DGKK: variants seen among roughly 807,000 people sequenced by gnomAD.
DGKK encodes the protein 142 kDa diacylglycerol kinase.
DGKK carries 35 observed loss-of-function variants against 92.2 expected under a neutral mutation model. The observed-to-expected ratio is 0.38, with a 90% CI of 0.29 to 0.50. The LOEUF is 0.50. Among genes scored for constraint, DGKK ranks in the 20% least tolerant of loss-of-function variants. DGKK has a pLI of 0.92. For missense variants in DGKK, 910 were observed against 992.2 expected (o/e 0.92, Z 1.11); for synonymous variants, 368 against 360.6 (o/e 1.02, Z -0.23).
chrX:50,430,917 C>A (rs1557230212), intron 1 of DGKK, among the ~76,000 whole-genome samples: 1 of 111,660 alleles, frequency 9.0e-6, no homozygotes, highest in Admixed American at 9.5e-5. Flanking sequence ...ATAATTAACA[C>A]CCCCCTGCTG....
intron 1 of DGKK, among the ~76,000 whole-genome samples, chrX:50,466,017 C>CTTTTTTTTTTT (rs72090197): frequency 3.8e-3 from 163 of 42,758 alleles, no homozygotes; most frequent in Non-Finnish European, 4.1e-3. Context: ...TTTCTTTTTT[C>CTTTTTTTTTTT]TTTTTTTTTT....
chrX:50,469,886 G>A, intron 1 of DGKK, 148 bp downstream of exon 1: 1 of 749,332 alleles, frequency 1.3e-6, no homozygotes, highest in Non-Finnish European at 1.7e-6. Context: ...CCATTCCCCC[G>A]GGTTCCCCAT....
chrX:50,390,481 G>A (rs1456763093), intron 11 of DGKK, 72 bp from the exon 12 acceptor site: 1 of 963,741 alleles, frequency 1.0e-6, no homozygotes, highest in African/African-American at 1.9e-5. Flanking sequence ...CTTCAAAGGT[G>A]AAGACAGAAG....
chrX:50,438,098 A>G (rs1448845039), intron 1 of DGKK, among the ~76,000 whole-genome samples: 1 of 110,757 alleles, frequency 9.0e-6, no homozygotes, highest in Non-Finnish European at 1.9e-5. Context: ...TAAACAATAA[A>G]GCTTAATAAA....
chrX:50,426,765 A>G (rs1255496156), intron 1 of DGKK, among the ~76,000 whole-genome samples: 1 of 112,348 alleles, frequency 8.9e-6, no homozygotes, highest in Non-Finnish European at 1.9e-5. Context: ...ATAACTTTTA[A>G]AAATTATTAA....
chrX:50,405,491 A>G (rs1453526896), intron 4 of DGKK, among the ~76,000 whole-genome samples: 2 of 109,813 alleles, frequency 1.8e-5, no homozygotes, highest in Non-Finnish European at 3.8e-5. Context: ...TTTAAAAAGA[A>G]CTATATTTTC....
Position 50,457,079 on chromosome X carries a change from A to C in DGKK, c.645+12955T>G, listed in dbSNP as rs151335787. ...TGACTTCCAATCTAAGAAGAGTCCA[A>C]ACTCTTCAACTTCTTGCTACAAGTT... On this transcript the variant is annotated intron_variant, in intron 1 of 27. Coordinates refer to ENST00000611977, the MANE Select transcript of DGKK (RefSeq NM_001013742.4). 3.4e-3 allele frequency among the ~76,000 whole-genome samples: 376 copies of C among 112,011 alleles called. 3 individuals carry two copies. Among genetic ancestry groups the C allele is most frequent in the African/African-American group, 0.012 (358 of 30,858 alleles).
At chrX:50,467,975 G>A (rs1408485908) in intron 1 of DGKK, among the ~76,000 whole-genome samples, 1 of 112,041 alleles carries the variant, frequency 8.9e-6, no homozygotes, top group Non-Finnish European at 1.9e-5. Context: ...CTACAGATAA[G>A]TGATTCAACA....
intron 1 of DGKK, among the ~76,000 whole-genome samples, chrX:50,445,402 T>C (rs12006834): frequency 0.022 from 2,465 of 111,132 alleles, 61 homozygotes; most frequent in African/African-American, 0.075. Context: ...TCCAGGGATT[T>C]TATAGTTTTG....
intron 10 of DGKK, among the ~76,000 whole-genome samples, chrX:50,391,939 G>A (rs1275242339): frequency 8.9e-6 from 1 of 112,247 alleles, no homozygotes; most frequent in Non-Finnish European, 1.9e-5. Context: ...AGAGCAAGGC[G>A]GCTGCCTAAG....
intron 1 of DGKK, among the ~76,000 whole-genome samples, chrX:50,455,157 C>T (rs1179559618): frequency 4.5e-5 from 5 of 112,111 alleles, no homozygotes; most frequent in African/African-American, 1.6e-4. Context: ...CTGTCTGCAG[C>T]TGTTTTAAGG....
chrX:50,423,814 C>T lies in DGKK; in HGVS notation c.756+434G>A, dbSNP rs180931122. Among the ~76,000 whole-genome samples the T allele has an allele frequency of 2.1e-4, 24 of 111,782 alleles. No individual in the cohort carries two copies. In the East Asian group the frequency reaches 4.5e-3, roughly 21 times the overall value. Reference sequence around the variant, plus strand: ...GTGCAGATAAATAGTGAAATTCATGCTAATTATTTAAAATCGTATTTTTCT... The same window carrying T: ...GTGCAGATAAATAGTGAAATTCATGTTAATTATTTAAAATCGTATTTTTCT... On this transcript the variant is annotated intron_variant, in intron 2 of 27. Transcript: ENST00000611977.
Position 50,367,554 on chromosome X carries a change from C to G in DGKK, c.*1386G>C, listed in dbSNP as rs1557222598. On this transcript the variant is annotated 3_prime_UTR_variant, in exon 28 of 28. Coordinates refer to ENST00000611977, the MANE Select transcript of DGKK (RefSeq NM_001013742.4). ...GGCAAGATGGGAGATTTGAAGGTGACTTGAGGACTGACCCAACAGCCTGTC... is the reference window on the plus strand; with the variant it reads ...GGCAAGATGGGAGATTTGAAGGTGAGTTGAGGACTGACCCAACAGCCTGTC... 2.7e-5 allele frequency: 3 copies of G among 111,007 alleles called. No homozygotes were observed. Among genetic ancestry groups the G allele is most frequent in the Non-Finnish European group, 5.7e-5 (3 of 52,995 alleles). The allele number at this position is 111,007 out of a possible 1,213,427, so 9.1% of individuals were successfully genotyped here.
chrX:50,400,564 G>A (rs1283384048), intron 8 of DGKK, among the ~76,000 whole-genome samples: 1 of 111,941 alleles, frequency 8.9e-6, no homozygotes, highest in Non-Finnish European at 1.9e-5. Context: ...CAGACACCTT[G>A]AGAACAGAGT....
intron 1 of DGKK, among the ~76,000 whole-genome samples, chrX:50,450,493 A>G (rs782447194): frequency 1.8e-3 from 197 of 112,054 alleles, no homozygotes; most frequent in African/African-American, 5.8e-3. Flanking sequence ...TTGCAGGATG[A>G]CACATAAGCT....
At chrX:50,409,196 T>C (rs1479490327) in intron 4 of DGKK, among the ~76,000 whole-genome samples, 4 of 110,302 alleles carry the variant, frequency 3.6e-5, no homozygotes, top group Non-Finnish European at 5.7e-5. Flanking sequence ...CATGTGAAGA[T>C]ACAGAGGGAA....
chrX:50,392,584 C>T, intron 9 of DGKK, 135 bp from the exon 10 acceptor site: 3 of 492,743 alleles, frequency 6.1e-6, no homozygotes. Flanking sequence ...TCCCTTAGCC[C>T]TTATCTGTCT....
At chrX:50,419,351 C>T (rs1203036779) in intron 4 of DGKK, among the ~76,000 whole-genome samples, 3 of 111,388 alleles carry the variant, frequency 2.7e-5, no homozygotes, top group South Asian at 3.8e-4. Context: ...GAGAAGTCCT[C>T]GGGGAGTAGG....
At chrX:50,376,212 C>T (rs1446333836) in intron 23 of DGKK, 47 bp from the exon 24 acceptor site, 3 of 1,185,883 alleles carry the variant, frequency 2.5e-6, no homozygotes, top group East Asian at 6.0e-5. Flanking sequence ...TTCTGAAGGA[C>T]TTCTGGCCTG....
Sources: allele counts gnomAD v4.1 joint callset (sites outside exome capture counted in the v4.1 genomes callset), GRCh38; gene constraint gnomAD v4.1.1; transcripts MANE v1.5; gene names NCBI Gene and HGNC (gene_info 2026-07-23, HGNC 2026-07-21).